The following MYL3 variants were observed in gnomAD, a reference collection of about 807,000 sequenced individuals.
MYL3 encodes the protein CMLC1.
MYL3 carries 11 observed loss-of-function variants against 21.3 expected under a neutral mutation model. The ratio of observed to expected loss-of-function variants is 0.52; its 90% CI spans 0.32 to 0.85. MYL3 has a LOEUF of 0.85. Among genes scored for constraint, MYL3 ranks in the 40% least tolerant of loss-of-function variants. The pLI, the probability that MYL3 is intolerant of heterozygous loss-of-function variation, is 0.03. For synonymous variants in MYL3, 88 were observed against 91.6 expected (o/e 0.96, Z 0.22); for missense variants, 206 against 253.3 (o/e 0.81, Z 1.27).
At chr3:46,865,424 C>A (rs1022798808), upstream of MYL3, among the ~76,000 whole-genome samples, 6 of 152,148 alleles carry the variant, frequency 3.9e-5, no homozygotes, top group African/African-American at 1.4e-4. The surrounding 1 kb of genome is among the most constrained non-coding windows in gnomAD (Gnocchi z 4.3). Context: ...CCGGGGAGGC[C>A]CCACCACCCA....
At position 46,860,866 on chromosome 3, in the gene MYL3, C is replaced by G. The variant is rs1348959906; in HGVS notation, c.158-41G>C. On this transcript the variant is annotated intron_variant, in intron 2 of 6. Coordinates refer to ENST00000292327, the MANE Select transcript of MYL3 (RefSeq NM_000258.3). The surrounding 1 kb of genome is among the most constrained non-coding windows in gnomAD (Gnocchi z 4.6). ...AGTGAGCCACAGACACTCCCAGGGT[C>G]AGCCTACCCCACTCCCCACACCCCT... The G allele has an allele frequency of 6.2e-7, 1 of 1,613,986 alleles. No individual in the cohort carries two copies. Among genetic ancestry groups the G allele is most frequent in the Admixed American group, 1.7e-5 (1 of 60,000 alleles).
Position 46,859,588 on chromosome 3 carries a change from T to C in MYL3, c.368A>G (p.Lys123Arg). The C allele has an allele frequency of 6.2e-7, 1 of 1,614,228 alleles. No individual in the cohort carries two copies. The highest frequency in any genetic ancestry group is 1.1e-5 in the South Asian group (1 of 91,074). ...CTCATAGGTGCCTGTGTCCTTGTTC[T>C]TGGAAATGTGCTGGAGCATAGGCAG... Reference protein sequence around the residue: ...TFLPMLQHISKNKDTGTYEDF... With the variant: ...TFLPMLQHISRNKDTGTYEDF... Residue 123 changes from lysine to arginine, a missense_variant, in exon 4 of 7, where the codon AAG becomes AGG. By Grantham distance (26) the Lys-to-Arg change is conservative. Transcript: ENST00000292327. The surrounding 1 kb of genome is among the most constrained non-coding windows in gnomAD (Gnocchi z 4.1).
chr3:46,864,730 A>G (rs1702030796), upstream of MYL3, among the ~76,000 whole-genome samples: 1 of 151,894 alleles, frequency 6.6e-6, no homozygotes, highest in African/African-American at 2.4e-5. The surrounding 1 kb of genome is among the most constrained non-coding windows in gnomAD (Gnocchi z 4.7). Flanking sequence ...CCCTGTTCCT[A>G]CCACTCAGTG....
chr3:46,869,309 CA>C (rs1291948649), intron 1 of MYL3, among the ~76,000 whole-genome samples: 1 of 152,218 alleles, frequency 6.6e-6, no homozygotes, highest in Non-Finnish European at 1.5e-5. Flanking sequence ...AGGGGCTCAG[CA>C]GCGGCCTGAA....
chr3:46,874,062 G>A lies in MYL3; in HGVS notation c.-217-7462C>T, dbSNP rs1344465943. On this transcript the variant is annotated intron_variant, in intron 1 of 3. Coordinates refer to the MYL3 transcript ENST00000431168. The surrounding 1 kb of genome is among the most constrained non-coding windows in gnomAD (Gnocchi z 4.1). ...CTCACCTCAGAGGGCACGGGTGTCG[G>A]AAGGCCTGGAGACTTGCTCTGGATG... Among the ~76,000 whole-genome samples the A allele has an allele frequency of 2.0e-5, 3 of 152,252 alleles. No homozygotes were observed. The highest frequency in any genetic ancestry group is 2.9e-5 in the Non-Finnish European group (2 of 68,036).
At chr3:46,880,510 C>G (rs1177634457) in intron 1 of MYL3, among the ~76,000 whole-genome samples, 1 of 152,102 alleles carries the variant, frequency 6.6e-6, no homozygotes, top group Non-Finnish European at 1.5e-5. Context: ...GAGGCTGAGG[C>G]AGGTGGATCA....
upstream of MYL3, among the ~76,000 whole-genome samples, chr3:46,867,706 C>A (rs752950475): frequency 2.6e-5 from 4 of 152,264 alleles, no homozygotes; most frequent in Non-Finnish European, 5.9e-5. Flanking sequence ...GGCTGGGACG[C>A]AGGCCCACAC....
intron 5 of MYL3, 36 bp downstream of exon 5, chr3:46,858,348 C>G (rs1259716774): frequency 1.9e-6 from 3 of 1,613,904 alleles, no homozygotes; most frequent in Non-Finnish European, 1.7e-6. Context: ...TCCCAGCACT[C>G]CCCTCCCAGA....
chr3:46,867,933 G>A (rs1702063928), upstream of MYL3, among the ~76,000 whole-genome samples: 1 of 152,200 alleles, frequency 6.6e-6, no homozygotes, highest in South Asian at 2.1e-4. Context: ...GGGGCCCCTA[G>A]GTCCCTGTCC....
rs1333563911 is a variant in MYL3, at chr3:46,874,742, C to A, written c.-218+7332G>T. On this transcript the variant is annotated intron_variant, in intron 1 of 3. Transcript: ENST00000431168. The surrounding 1 kb of genome is among the most constrained non-coding windows in gnomAD (Gnocchi z 4.1). ...CGAGGCACAGACCCCCCCCCACACACACAATAGGGACGCACTAGGCTTCTG... is the reference window on the plus strand; with the variant it reads ...CGAGGCACAGACCCCCCCCCACACAAACAATAGGGACGCACTAGGCTTCTG... Among the ~76,000 whole-genome samples the A allele has an allele frequency of 6.6e-6, 1 of 152,326 alleles. No homozygotes were observed. Among genetic ancestry groups the A allele is most frequent in the Non-Finnish European group, 1.5e-5 (1 of 68,036 alleles).
chr3:46,871,327 C>T (rs780695990), intron 1 of MYL3, among the ~76,000 whole-genome samples: 4 of 152,044 alleles, frequency 2.6e-5, no homozygotes, highest in Non-Finnish European at 5.9e-5. Flanking sequence ...CCCCACCCTA[C>T]CCTGTTCACA....
intron 1 of MYL3, among the ~76,000 whole-genome samples, chr3:46,881,906 G>C (rs1575505888): frequency 6.6e-6 from 1 of 152,118 alleles, no homozygotes; most frequent in African/African-American, 2.4e-5. Flanking sequence ...AAGAGGGCTC[G>C]CTTCTCGGCT....
Position 46,859,543 on chromosome 3 carries a change from C to T in MYL3, c.413G>A (p.Arg138Gln), listed in dbSNP as rs1057524652. 2 of 1,614,180 alleles carry T rather than the reference C, an allele frequency of 1.2e-6. No homozygotes were observed. The highest frequency in any genetic ancestry group is 1.7e-5 in the Admixed American group (1 of 60,026). Residue 138 changes from arginine (R) to glutamine (Q), a missense_variant, in exon 4 of 7, where the codon CGG becomes CAG. Coordinates refer to ENST00000292327, the MANE Select transcript of MYL3 (RefSeq NM_000258.3). The surrounding 1 kb of genome is among the most constrained non-coding windows in gnomAD (Gnocchi z 4.1). ...GTYEDFVEGL[R>Q]VFDKEGNGTV... ...GCCATTGCCCTCCTTGTCGAAGACC[C>T]GCAGCCCCTCCACGAAGTCCTCATA...
chr3:46,881,666 C>A (rs530938252), intron 1 of MYL3, among the ~76,000 whole-genome samples: 23 of 151,372 alleles, frequency 1.5e-4, no homozygotes, highest in Non-Finnish European at 2.2e-4. Context: ...TGGCCTAGGG[C>A]CGAGAGGAAC....
At chr3:46,870,464 C>T (rs73067014) in intron 1 of MYL3, among the ~76,000 whole-genome samples, 1 of 149,690 alleles carries the variant, frequency 6.7e-6, no homozygotes, top group Non-Finnish European at 1.5e-5. Context: ...TTGCAGACCC[C>T]ACCTAGCCAT....
At chr3:46,878,534 G>A (rs1324124672) in intron 1 of MYL3, among the ~76,000 whole-genome samples, 1 of 152,206 alleles carries the variant, frequency 6.6e-6, no homozygotes, top group African/African-American at 2.4e-5. Flanking sequence ...TGGGGCTAGT[G>A]TTGGGATGAA....
intron 1 of MYL3, among the ~76,000 whole-genome samples, chr3:46,868,807 G>A (rs1046289598): frequency 3.9e-5 from 6 of 152,322 alleles, no homozygotes; most frequent in African/African-American, 1.4e-4. Flanking sequence ...CTAGTCTCAG[G>A]AGGGAGATTG....
At chr3:46,872,701 G>T (rs540494075) in intron 1 of MYL3, among the ~76,000 whole-genome samples, 1 of 152,368 alleles carries the variant, frequency 6.6e-6, no homozygotes, top group Admixed American at 6.5e-5. Context: ...GGGGGTCGAG[G>T]GTGGGTCCTC....
At chr3:46,881,763 C>T (rs1340748111) in intron 1 of MYL3, among the ~76,000 whole-genome samples, 1 of 151,842 alleles carries the variant, frequency 6.6e-6, no homozygotes, top group Non-Finnish European at 1.5e-5. Context: ...AAGCCGGGCT[C>T]GGGGCTGGCA....
Sources: gnomAD v4.1 joint callset for allele counts (sites outside exome capture counted in the v4.1 genomes callset) on GRCh38, gnomAD v4.1.1 for gene constraint, Gnocchi (gnomAD v3.1) non-coding constraint, MANE v1.5 for transcripts, NCBI Gene and HGNC (gene_info 2026-07-23, HGNC 2026-07-21) for gene names.